Variants in KANK1 observed in about 807,000 individuals in gnomAD.
KANK1 encodes KN motif and ankyrin repeat domains 1, also known as KN motif and ankyrin repeat domain-containing protein 1.
Under a neutral mutation model 106.2 loss-of-function variants are expected in KANK1, and 109 were observed. The observed-to-expected ratio is 1.03, with a 90% confidence interval of 0.88 to 1.20. The LOEUF (loss-of-function observed/expected upper bound fraction) is 1.20, where lower values mean the gene tolerates loss of function less well. KANK1 is among the 50% of genes most tolerant of loss of function. The pLI, the probability that KANK1 is intolerant of heterozygous loss-of-function variation, is 0.00. For synonymous variants in KANK1, 873 were observed against 652.2 expected (o/e 1.34, Z -5.16); for missense variants, 2,399 against 1,710.7 (o/e 1.40, Z -7.10).
intron 1 of KANK1, among the ~76,000 whole-genome samples, chr9:506,335 C>A (rs574598240): frequency 6.6e-6 from 1 of 152,102 alleles, no homozygotes; most frequent in Non-Finnish European, 1.5e-5. Context: ...TATTGGCTGT[C>A]CTATGGGGAG....
intron 1 of KANK1, among the ~76,000 whole-genome samples, chr9:596,050 C>G (rs1477460669): frequency 6.6e-6 from 1 of 151,748 alleles, no homozygotes; most frequent in East Asian, 1.9e-4. Flanking sequence ...GTTTCATATA[C>G]ACCTTATATA....
chr9:533,361 CT>C (rs902434984), intron 1 of KANK1, among the ~76,000 whole-genome samples: 5 of 152,158 alleles, frequency 3.3e-5, no homozygotes, highest in African/African-American at 1.2e-4. Flanking sequence ...CTTTCTAAGT[CT>C]GTTTTTCCAT....
At chr9:597,586 A>G (rs1243841357) in intron 1 of KANK1, among the ~76,000 whole-genome samples, 1 of 151,688 alleles carries the variant, frequency 6.6e-6, no homozygotes, top group Non-Finnish European at 1.5e-5. Context: ...TGCTTTATAT[A>G]TTCTGGATAC....
intron 1 of KANK1, among the ~76,000 whole-genome samples, chr9:612,468 T>C (rs1830796225): frequency 6.6e-6 from 1 of 152,204 alleles, no homozygotes; most frequent in Non-Finnish European, 1.5e-5. Context: ...CGGTGTTTTT[T>C]TGAAGACAGC....
chr9:557,140 G>A (rs763639335), intron 1 of KANK1, among the ~76,000 whole-genome samples: 1 of 148,772 alleles, frequency 6.7e-6, no homozygotes, highest in Non-Finnish European at 1.5e-5. Flanking sequence ...ATGAAATTGC[G>A]CCAGTGCACT....
At chr9:506,357 T>G (rs1293632521) in intron 1 of KANK1, among the ~76,000 whole-genome samples, 1 of 152,088 alleles carries the variant, frequency 6.6e-6, no homozygotes, top group Non-Finnish European at 1.5e-5. Flanking sequence ...TTAAAATGAA[T>G]AAGGATGGAA....
chr9:668,394 G>C (rs1181249636), intron 1 of KANK1, among the ~76,000 whole-genome samples: 1 of 151,796 alleles, frequency 6.6e-6, no homozygotes, highest in East Asian at 1.9e-4. Flanking sequence ...TATATACTTG[G>C]GAGCTGAATT....
At chr9:689,352 A>G (rs1036378632) in intron 2 of KANK1, among the ~76,000 whole-genome samples, 3 of 152,178 alleles carry the variant, frequency 2.0e-5, no homozygotes, top group Non-Finnish European at 4.4e-5. Context: ...ATCAGATAGC[A>G]TCGTCTTCCT....
Position 598,734 on chromosome 9 carries a change from G to A in KANK1, c.-83-78156G>A, listed in dbSNP as rs1187143935. On this transcript the variant is annotated intron_variant, in intron 1 of 11. Transcript: ENST00000382297. Reference sequence around the variant, plus strand: ...CAACCTCCTCCTCCTGGGTTCAAGCGATTCTCATGCCTCAGCCTCCTGAGT... The same window carrying A: ...CAACCTCCTCCTCCTGGGTTCAAGCAATTCTCATGCCTCAGCCTCCTGAGT... 2.2e-5 allele frequency among the ~76,000 whole-genome samples: 3 copies of A among 136,020 alleles called. 1 individual carries two copies. Among genetic ancestry groups the A allele is most frequent in the African/African-American group, 8.3e-5 (3 of 36,280 alleles). The allele number at this position is 136,020 out of a possible 152,430, so 89.2% of individuals were successfully genotyped here.
intron 1 of KANK1, among the ~76,000 whole-genome samples, chr9:556,369 TGGTTTCTGA>T (rs2061582830): frequency 6.6e-6 from 1 of 152,190 alleles, no homozygotes; most frequent in Non-Finnish European, 1.5e-5. Context: ...TAGGGAACCT[TGGTTTCTGA>T]GTTGTGCTCT....
At chr9:606,682 C>G (rs1479908551) in intron 1 of KANK1, among the ~76,000 whole-genome samples, 1 of 150,820 alleles carries the variant, frequency 6.6e-6, no homozygotes, top group Non-Finnish European at 1.5e-5. Context: ...TGCAGTATGT[C>G]AGTGCTTTCT....
At chr9:664,021 G>A (rs1218641813) in intron 1 of KANK1, among the ~76,000 whole-genome samples, 3 of 152,062 alleles carry the variant, frequency 2.0e-5, no homozygotes, top group Admixed American at 1.3e-4. Context: ...CCATAATCTC[G>A]TGTGTTGTGG....
intron 1 of KANK1, among the ~76,000 whole-genome samples, chr9:535,473 G>C (rs925789903): frequency 1.3e-5 from 2 of 152,230 alleles, no homozygotes; most frequent in Admixed American, 6.5e-5. Context: ...TGTACTGTGA[G>C]TTTTCATGTG....
At chr9:490,506 TCAAA>T (rs920210104) in intron 3 of KANK1, among the ~76,000 whole-genome samples, 8 of 151,720 alleles carry the variant, frequency 5.3e-5, no homozygotes, top group Non-Finnish European at 1.0e-4. Context: ...AGACCTTGTC[TCAAA>T]CTAATAATAA....
chr9:548,227 A>G (rs919414656), intron 1 of KANK1, among the ~76,000 whole-genome samples: 12 of 152,208 alleles, frequency 7.9e-5, no homozygotes, highest in Non-Finnish European at 1.0e-4. Context: ...GTCATTCTAA[A>G]CCACATTACA....
intron 3 of KANK1, among the ~76,000 whole-genome samples, chr9:717,314 A>T (rs564012436): frequency 6.6e-6 from 1 of 152,204 alleles, no homozygotes; most frequent in South Asian, 2.1e-4. Flanking sequence ...AAAGAAATTA[A>T]AAGTTCAGAA....
intron 3 of KANK1, among the ~76,000 whole-genome samples, chr9:475,568 G>A (rs1226597526): frequency 2.6e-5 from 4 of 152,088 alleles, no homozygotes; most frequent in Admixed American, 2.6e-4. Flanking sequence ...AGGGGGTCTG[G>A]GGAGTTATGC....
chr9:600,751 T>G (rs540823177), intron 1 of KANK1, among the ~76,000 whole-genome samples: 118 of 152,018 alleles, frequency 7.8e-4, no homozygotes, highest in Non-Finnish European at 1.5e-3. Flanking sequence ...TTGGATTTTA[T>G]GCCAAAAGAT....
intron 1 of KANK1, among the ~76,000 whole-genome samples, chr9:641,257 T>C (rs1408103206): frequency 6.6e-6 from 1 of 152,190 alleles, no homozygotes; most frequent in Non-Finnish European, 1.5e-5. Flanking sequence ...TGTTTAAGGA[T>C]AGTCTGGACA....
Sources: gnomAD v4.1 joint callset for allele counts (sites outside exome capture counted in the v4.1 genomes callset) on GRCh38, gnomAD v4.1.1 for gene constraint, MANE v1.5 for transcripts, NCBI Gene and HGNC (gene_info 2026-07-23, HGNC 2026-07-21) for gene names.